The following BBS9 variants were observed in gnomAD, a reference collection of about 807,000 sequenced individuals.
The protein encoded by BBS9 is Bardet-Biedl syndrome 9, also known as protein PTHB1.
In BBS9, 89 loss-of-function variants were observed where a neutral mutation model predicts 117.7. That is an observed-to-expected ratio of 0.76 (90% CI 0.64 to 0.90). The LOEUF is 0.90. Among genes scored for constraint, BBS9 ranks in the 40% least tolerant of loss-of-function variants. The pLI is 0.00. For synonymous variants in BBS9, 379 were observed against 370.9 expected (o/e 1.02, Z -0.25); for missense variants, 982 against 1,042.2 (o/e 0.94, Z 0.80).
At chr7:33,370,634 T>C (rs1451935509) in intron 17 of BBS9, among the ~76,000 whole-genome samples, 1 of 152,234 alleles carries the variant, frequency 6.6e-6, no homozygotes, top group Non-Finnish European at 1.5e-5. Flanking sequence ...GTCTATAATT[T>C]CGAGTGATTC....
rs1453964109 is a variant in BBS9 at position 33,152,805 on chromosome 7, G to A, written c.217G>A (p.Asp73Asn). The change falls in exon 3 of 23, where the codon GAT becomes AAT. Residue 73 changes from aspartate (D) to asparagine (N), a missense_variant. Physicochemically the swap from Asp to Asn is conservative, Grantham distance 23. Coordinates refer to ENST00000242067, the MANE Select transcript of BBS9 (RefSeq NM_198428.3). ...AGCCGAAGATTTGCTTCTAGAAGTGGATCTACGAGATCCAGTACTTCAAGT... is the reference window on the plus strand; with the variant it reads ...AGCCGAAGATTTGCTTCTAGAAGTGAATCTACGAGATCCAGTACTTCAAGT... ...AQAEDLLLEV[D>N]LRDPVLQVEV... 6.2e-7 allele frequency: 1 copy of A among 1,613,868 alleles called. No homozygotes were observed. Among genetic ancestry groups the A allele is most frequent in the East Asian group, 2.2e-5 (1 of 44,820 alleles).
chr7:33,305,424 G>A (rs1301220028), intron 9 of BBS9, among the ~76,000 whole-genome samples: 1 of 152,124 alleles, frequency 6.6e-6, no homozygotes, highest in East Asian at 1.9e-4. Context: ...TACTGGACTT[G>A]TAGAAAGAGT....
At chr7:33,577,778 C>T (rs1036101556) in intron 21 of BBS9, among the ~76,000 whole-genome samples, 50 of 152,160 alleles carry the variant, frequency 3.3e-4, no homozygotes, top group African/African-American at 1.1e-3. Context: ...TGGAAACCAT[C>T]ATTCTCAGCC....
chr7:33,457,171 G>A (rs1838775492), intron 19 of BBS9, among the ~76,000 whole-genome samples: 1 of 152,146 alleles, frequency 6.6e-6, no homozygotes. Context: ...TTACACCGAG[G>A]GTCATCTTTC....
chr7:33,613,139 A>G (rs1471737234), intron 21 of BBS9, among the ~76,000 whole-genome samples: 1 of 152,102 alleles, frequency 6.6e-6, no homozygotes, highest in Non-Finnish European at 1.5e-5. Context: ...TTTAGAAGAA[A>G]GTAATTAGGA....
At chr7:33,593,733 T>C (rs1862297227) in intron 21 of BBS9, among the ~76,000 whole-genome samples, 1 of 152,082 alleles carries the variant, frequency 6.6e-6, no homozygotes, top group Non-Finnish European at 1.5e-5. Context: ...ACCAACATAG[T>C]GTAGAGACCG....
At chr7:33,156,739 A>G (rs1194924156) in intron 4 of BBS9, among the ~76,000 whole-genome samples, 1 of 152,028 alleles carries the variant, frequency 6.6e-6, no homozygotes, top group Non-Finnish European at 1.5e-5. Context: ...ATTACTCTTC[A>G]CCATGTTCTG....
downstream of BBS9, among the ~76,000 whole-genome samples, chr7:33,607,301 A>C (rs1864630945): frequency 6.6e-6 from 1 of 152,122 alleles, no homozygotes; most frequent in African/African-American, 2.4e-5. Flanking sequence ...TGCTGAGAGG[A>C]AGCTGATGTG....
chr7:33,458,137 T>G (rs984394902), intron 19 of BBS9, among the ~76,000 whole-genome samples: 1 of 152,176 alleles, frequency 6.6e-6, no homozygotes, highest in African/African-American at 2.4e-5. Context: ...TTTTGTTTTT[T>G]GAATAATGCT....
intron 1 of BBS9, among the ~76,000 whole-genome samples, chr7:33,145,433 G>A (rs1792185242): frequency 6.6e-6 from 1 of 152,076 alleles, no homozygotes; most frequent in Non-Finnish European, 1.5e-5. Flanking sequence ...AGGTTGTTTG[G>A]GTTGCCCAAG....
chr7:33,263,086 T>C (rs1289945173), intron 6 of BBS9, among the ~76,000 whole-genome samples: 1 of 110,036 alleles, frequency 9.1e-6, no homozygotes, highest in African/African-American at 3.6e-5. Flanking sequence ...GAAATTTATA[T>C]ATATTACGTT....
intron 21 of BBS9, among the ~76,000 whole-genome samples, chr7:33,538,217 G>A (rs1425650516): frequency 1.3e-5 from 2 of 152,214 alleles, no homozygotes; most frequent in Non-Finnish European, 2.9e-5. Context: ...GAAGCCAAGA[G>A]GAGGGAGTAA....
intron 20 of BBS9, among the ~76,000 whole-genome samples, chr7:33,532,242 G>T (rs1850696487): frequency 6.6e-6 from 1 of 152,194 alleles, no homozygotes; most frequent in African/African-American, 2.4e-5. Context: ...CATGTGCAGA[G>T]GCCTAAGGGA....
intron 4 of BBS9, among the ~76,000 whole-genome samples, chr7:33,168,391 A>C (rs1240386169): frequency 6.6e-6 from 1 of 152,252 alleles, no homozygotes; most frequent in Admixed American, 6.5e-5. Context: ...TCTTTCAGTT[A>C]TAAGACCTAA....
At chr7:33,260,021 A>C (rs990511426) in intron 6 of BBS9, among the ~76,000 whole-genome samples, 3 of 135,502 alleles carry the variant, frequency 2.2e-5, no homozygotes, top group African/African-American at 8.6e-5. Context: ...TTTTTTTGAG[A>C]CTGAGTCTTG....
chr7:33,275,484 C>T (rs1443917409), intron 9 of BBS9, among the ~76,000 whole-genome samples: 1 of 152,130 alleles, frequency 6.6e-6, no homozygotes, highest in Non-Finnish European at 1.5e-5. Context: ...GTAATTCTTG[C>T]AGGAGTCTAT....
intron 21 of BBS9, among the ~76,000 whole-genome samples, chr7:33,589,990 C>T (rs187851228): frequency 7.2e-5 from 11 of 152,146 alleles, no homozygotes; most frequent in African/African-American, 2.2e-4. Context: ...GAAAAAGAGC[C>T]TGCAGTGAGG....
intron 5 of BBS9, among the ~76,000 whole-genome samples, chr7:33,213,691 A>G (rs1479591069): frequency 1.3e-5 from 2 of 152,126 alleles, no homozygotes; most frequent in African/African-American, 2.4e-5. Context: ...TTTTATCAGC[A>G]TGTAATGAAT....
chr7:33,530,964 G>A (rs1014608197), intron 20 of BBS9, among the ~76,000 whole-genome samples: 2 of 152,116 alleles, frequency 1.3e-5, no homozygotes, highest in Non-Finnish European at 2.9e-5. Context: ...CAACTGCAGG[G>A]CCAGACATGG....
Sources: gnomAD v4.1 joint callset for allele counts (sites outside exome capture counted in the v4.1 genomes callset) on GRCh38, gnomAD v4.1.1 for gene constraint, MANE v1.5 for transcripts, NCBI Gene and HGNC (gene_info 2026-07-23, HGNC 2026-07-21) for gene names.